SPATA31H1: variants seen among roughly 807,000 people sequenced by gnomAD.
SPATA31H1 encodes the protein spermatogenesis-associated protein 31H1.
At chr2:27,564,160 C>T in the SPATA31H1 span, among the ~76,000 whole-genome samples, 1 of 152,192 alleles carries the variant, frequency 6.6e-6, no homozygotes, top group Non-Finnish European at 1.5e-5. Context: ...GAACTCCAAG[C>T]CAGTATGAGG....
At chr2:27,578,767 T>C in the SPATA31H1 span, 1 of 1,614,140 alleles carries the variant, frequency 6.2e-7, no homozygotes, top group Non-Finnish European at 8.5e-7. Flanking sequence ...TCTAGGTTCC[T>C]ACAAAGCTCT....
chr2:27,561,168 G>GA, the SPATA31H1 span, among the ~76,000 whole-genome samples: 2 of 151,968 alleles, frequency 1.3e-5, no homozygotes, highest in East Asian at 3.9e-4. Context: ...CTGTCCCTAC[G>GA]AAAAATACAA....
At chr2:27,544,292 C>G in the SPATA31H1 span, among the ~76,000 whole-genome samples, 1 of 151,836 alleles carries the variant, frequency 6.6e-6, no homozygotes, top group African/African-American at 2.4e-5. Flanking sequence ...ACCCATGTAA[C>G]TAAAACCCTA....
the SPATA31H1 span, among the ~76,000 whole-genome samples, chr2:27,549,364 G>C: frequency 1.3e-5 from 2 of 151,480 alleles, no homozygotes; most frequent in Non-Finnish European, 2.9e-5. Context: ...TAAGAGATAG[G>C]ATCTCTTTGT....
At chr2:27,573,917 A>T in the SPATA31H1 span, 5 of 398,450 alleles carry the variant, frequency 1.3e-5, no homozygotes, top group African/African-American at 2.1e-5. Context: ...CAGAACTTCC[A>T]GGTATGAAAT....
chr2:27,543,047 C>T, the SPATA31H1 span, among the ~76,000 whole-genome samples: 2 of 151,944 alleles, frequency 1.3e-5, no homozygotes, highest in African/African-American at 4.8e-5. Context: ...GAGCCAAGAT[C>T]GTCCCACTGC....
chr2:27,582,223 G>C, the SPATA31H1 span: 2 of 1,614,124 alleles, frequency 1.2e-6, no homozygotes, highest in Non-Finnish European at 1.7e-6. Flanking sequence ...TCTGAGAGAA[G>C]CCATCGCAGT....
At chr2:27,577,599 G>A in the SPATA31H1 span, 30 of 1,613,974 alleles carry the variant, frequency 1.9e-5, no homozygotes, top group Admixed American at 2.0e-4. This position sits in a 1 kb window ranked among gnomAD's most constrained non-coding sequence, Gnocchi z 4.5. Context: ...ATTACATCAC[G>A]TCCCAGATTC....
At chr2:27,540,391 G>A in the SPATA31H1 span, among the ~76,000 whole-genome samples, 3 of 127,040 alleles carry the variant, frequency 2.4e-5, no homozygotes, top group African/African-American at 6.0e-5. Flanking sequence ...CTGGCCGGGC[G>A]GGGGGCTGAC....
chr2:27,573,555 G>C, the SPATA31H1 span: 1 of 398,380 alleles, frequency 2.5e-6, no homozygotes, highest in Admixed American at 4.4e-5. Context: ...CAAACCTATT[G>C]CTTTGAAATC....
chr2:27,579,716 A>C, the SPATA31H1 span: 7 of 1,614,190 alleles, frequency 4.3e-6, no homozygotes, highest in African/African-American at 1.3e-5. Flanking sequence ...CAATGGAAGA[A>C]AGTGAGGACT....
chr2:27,541,898 T>A, the SPATA31H1 span, among the ~76,000 whole-genome samples: 1 of 151,862 alleles, frequency 6.6e-6, no homozygotes, highest in South Asian at 2.1e-4. Context: ...AGCCTCCCAA[T>A]TAGCTGAGAC....
chr2:27,561,285 G>C, the SPATA31H1 span, among the ~76,000 whole-genome samples: 2 of 152,116 alleles, frequency 1.3e-5, no homozygotes, highest in African/African-American at 4.8e-5. Flanking sequence ...TGAACTTTGA[G>C]CTACTGCACT....
At chr2:27,581,377 C>T in the SPATA31H1 span, 2 of 1,613,826 alleles carry the variant, frequency 1.2e-6, no homozygotes, top group South Asian at 2.2e-5. Context: ...TCCAGTCCTT[C>T]TGAGAGAAGC....
the SPATA31H1 span, among the ~76,000 whole-genome samples, chr2:27,560,481 G>A: frequency 0.011 from 1,598 of 144,724 alleles, 15 homozygotes; most frequent in Non-Finnish European, 0.015. Context: ...TTTTTGAGAT[G>A]GAGTCTTGCT....
At chr2:27,580,425 G>C in the SPATA31H1 span, 1 of 1,614,054 alleles carries the variant, frequency 6.2e-7, no homozygotes, top group South Asian at 1.1e-5. Flanking sequence ...AAAGACCTCT[G>C]ATTCAAAATA....
At chr2:27,569,041 C>G in the SPATA31H1 span, 1 of 399,000 alleles carries the variant, frequency 2.5e-6, no homozygotes, top group African/African-American at 2.1e-5. Context: ...ACACAACCAT[C>G]TTTAGGAACT....
chr2:27,581,279 C>A, the SPATA31H1 span: 2 of 1,614,242 alleles, frequency 1.2e-6, no homozygotes, highest in Non-Finnish European at 1.7e-6. Flanking sequence ...ATCGCAGTCC[C>A]TCTGAGAGAA....
At chr2:27,569,858 C>T in the SPATA31H1 span, 4 of 398,702 alleles carry the variant, frequency 1.0e-5, no homozygotes, top group African/African-American at 2.1e-5. Context: ...TGCCAAGTGT[C>T]AGATTTTCAA....
Sources: allele counts gnomAD v4.1 joint callset (sites outside exome capture counted in the v4.1 genomes callset), GRCh38; gene constraint gnomAD v4.1.1; non-coding constraint Gnocchi (gnomAD v3.1); transcripts MANE v1.5; gene names NCBI Gene and HGNC (gene_info 2026-07-23, HGNC 2026-07-21).